The following AK9 variants were observed in gnomAD, a reference collection of about 807,000 sequenced individuals.
The protein encoded by AK9 is adenylate kinase 9, also known as adenylate kinase domain containing 1.
A neutral mutation model predicts 239.6 loss-of-function variants in AK9; 191 were observed. The ratio of observed to expected loss-of-function variants is 0.80; its 90% CI spans 0.71 to 0.90. The LOEUF is 0.90. Ranked by LOEUF, AK9 falls within the 40% of genes least tolerant of loss-of-function variation. The pLI, the probability that AK9 is intolerant of heterozygous loss-of-function variation, is 0.00. For missense variants in AK9, 1,995 were observed against 2,214.7 expected, an observed-to-expected ratio of 0.90 and a Z score of 1.99; for synonymous variants, 689 against 721.0, an observed-to-expected ratio of 0.96 and a Z score of 0.71.
intron 25 of AK9, among the ~76,000 whole-genome samples, chr6:109,547,127 C>T (rs564216789): frequency 6.6e-6 from 1 of 152,256 alleles, no homozygotes; most frequent in South Asian, 2.1e-4. Context: ...TGACCCCCAA[C>T]ACCAGTGGAT....
chr6:109,673,442 T>C (rs1771226754), intron 3 of AK9, among the ~76,000 whole-genome samples: 1 of 152,296 alleles, frequency 6.6e-6, no homozygotes, highest in South Asian at 2.1e-4. Context: ...ATATTGTTTA[T>C]TTTTATTTCT....
intron 29 of AK9, among the ~76,000 whole-genome samples, chr6:109,517,989 G>A (rs950089754): frequency 1.3e-5 from 2 of 152,034 alleles, no homozygotes; most frequent in Non-Finnish European, 1.5e-5. Context: ...GGGATGGGGG[G>A]TTACAAAGGA....
rs1176064426 is a variant in AK9 at position 109,614,195 on chromosome 6, C to T, written c.1597G>A (p.Val533Ile). Reference sequence around the variant, plus strand: ...TTCACTTTGTTACCATCTTTATCAACTTTAGCAGCTTGATCATGGAGGACA... The same window carrying T: ...TTCACTTTGTTACCATCTTTATCAATTTTAGCAGCTTGATCATGGAGGACA... ...ENVLHDQAAKVDKDDGKETGE... is the reference protein window; with the variant it reads ...ENVLHDQAAKIDKDDGKETGE... Residue 533 changes from valine to isoleucine, a missense_variant, in exon 15 of 41, where the codon GTT (valine) becomes ATT (isoleucine). Transcript: ENST00000424296. The T allele has an allele frequency of 4.5e-6, 7 of 1,550,908 alleles. No homozygotes were observed. Among genetic ancestry groups the T allele is most frequent in the Admixed American group, 2.0e-5 (1 of 50,962 alleles).
At position 109,662,608 on chromosome 6, in the gene AK9, C is replaced by A; in HGVS notation, c.387G>T (p.Gln129His). 6.3e-7 allele frequency: 1 copy of A among 1,587,356 alleles called. No individual in the cohort carries two copies. The highest frequency in any genetic ancestry group is 8.6e-7 in the Non-Finnish European group (1 of 1,166,012). Residue 129 changes from glutamine to histidine, a missense_variant, in exon 6 of 41, where the codon CAG becomes CAT. This residue lies in a region of AK9 where 252 missense variants were observed against 246.4 expected (regional missense o/e 1.02). Coordinates refer to ENST00000424296, the MANE Select transcript of AK9 (RefSeq NM_001145128.3). ...SLSQDAMTTL[Q>H]QIELIKNLNL... ...TTAAGTTTTTAATTAATTCTATTTG[C>A]TGTAAGGTAGTCATGGCATCCTGTG...
chr6:109,598,734 T>G (rs1353783538), intron 17 of AK9, among the ~76,000 whole-genome samples: 4 of 152,194 alleles, frequency 2.6e-5, no homozygotes, highest in Non-Finnish European at 4.4e-5. Context: ...CTCCAGCACC[T>G]GTTGTTTCCT....
intron 19 of AK9, among the ~76,000 whole-genome samples, 193 bp from the exon 20 acceptor site, chr6:109,579,819 A>G (rs1341994554): frequency 3.9e-5 from 6 of 152,214 alleles, no homozygotes; most frequent in Admixed American, 3.9e-4. Context: ...AAAAACTGGA[A>G]TGTTATACTT....
chr6:109,602,449 A>T (rs1792154974), intron 17 of AK9, among the ~76,000 whole-genome samples: 3 of 152,138 alleles, frequency 2.0e-5, no homozygotes, highest in African/African-American at 7.2e-5. Context: ...ATCCGCTGTT[A>T]GTCTGGTGGG....
At chr6:109,507,537 T>G (rs1190945890) in intron 33 of AK9, among the ~76,000 whole-genome samples, 2 of 151,954 alleles carry the variant, frequency 1.3e-5, no homozygotes, top group African/African-American at 4.8e-5. Flanking sequence ...TAGGTTGAGA[T>G]AATGAGATTG....
At chr6:109,633,344 A>C in intron 10 of AK9, 21 bp from the exon 11 acceptor site, 2 of 1,581,770 alleles carry the variant, frequency 1.3e-6, no homozygotes, top group Non-Finnish European at 1.7e-6. Context: ...CAAATACTAC[A>C]TTAAAAATAT....
chr6:109,659,383 A>C lies in AK9; in HGVS notation c.475T>G (p.Ser159Ala), dbSNP rs779189405. 2 of 1,611,288 alleles carry C rather than the reference A, an allele frequency of 1.2e-6. No homozygotes were observed. Among genetic ancestry groups the C allele is most frequent in the Non-Finnish European group, 1.7e-6 (2 of 1,179,314 alleles). ...GTATTATTGTGCTGTCTTTGCCCAG[A>C]AATTCTCTGGCACAAATCATAGTCA... ...CPDYDLCQRISGQRQHNNTGY... is the reference protein window; with the variant it reads ...CPDYDLCQRIAGQRQHNNTGY... Residue 159 changes from serine (S) to alanine (A), a missense_variant, in exon 7 of 41, where the codon TCT becomes GCT. Physicochemically the swap from Ser to Ala is moderately conservative, Grantham distance 99 (BLOSUM62 1). This residue lies in a region of AK9 where 252 missense variants were observed against 246.4 expected (regional missense o/e 1.02). Transcript: ENST00000424296.
At position 109,546,143 on chromosome 6, in the gene AK9, G is replaced by T; in HGVS notation, c.2965-16C>A. The stretch of plus-strand genomic sequence containing the variant: ...ATGGAGGAGCCTGTCACAGGGGGTG[G>T]GTCAGGGAGGGGTGGGATAAAGGGA... On this transcript the variant is annotated splice_polypyrimidine_tract_variant and intron_variant, in intron 25 of 40. Coordinates refer to ENST00000424296, the MANE Select transcript of AK9 (RefSeq NM_001145128.3). 2 of 1,554,876 alleles carry T rather than the reference G, an allele frequency of 1.3e-6. No individual in the cohort carries two copies. Among genetic ancestry groups the T allele is most frequent in the South Asian group, 2.4e-5 (2 of 84,126 alleles).
intron 8 of AK9, among the ~76,000 whole-genome samples, chr6:109,647,289 T>C (rs531061160): frequency 1.2e-4 from 19 of 152,200 alleles, no homozygotes; most frequent in Non-Finnish European, 1.9e-4. Context: ...AAGACACAGA[T>C]TGGCAAATTG....
At chr6:109,535,550 G>A (rs1781864667) in intron 27 of AK9, among the ~76,000 whole-genome samples, 1 of 152,162 alleles carries the variant, frequency 6.6e-6, no homozygotes, top group South Asian at 2.1e-4. Flanking sequence ...CTCCCATTCT[G>A]TAGGTTGCCT....
chr6:109,559,051 C>T (rs1785375087), intron 24 of AK9, among the ~76,000 whole-genome samples: 1 of 151,922 alleles, frequency 6.6e-6, no homozygotes, highest in Non-Finnish European at 1.5e-5. Context: ...GGGGGGTTCG[C>T]CATGTTGGCT....
At chr6:109,498,103 TCCTCTGAAA>T (rs1777255842) in intron 36 of AK9, 138 bp from the exon 37 acceptor site, 1 of 766,258 alleles carries the variant, frequency 1.3e-6, no homozygotes, top group African/African-American at 1.8e-5. Flanking sequence ...AAATAACCTC[TCCTCTGAAA>T]GGAAGTTCCT....
intron 5 of AK9, among the ~76,000 whole-genome samples, chr6:109,667,409 ATTTT>A (rs1334765450): frequency 6.6e-6 from 1 of 150,814 alleles, no homozygotes; most frequent in Non-Finnish European, 1.5e-5. Context: ...TATTTTATTT[ATTTT>A]TAATCATACT....
chr6:109,561,788 G>T (rs12216333), intron 24 of AK9, among the ~76,000 whole-genome samples: 27,786 of 152,018 alleles, frequency 0.18, 2,744 homozygotes, highest in South Asian at 0.31. Context: ...TGTACTTGGT[G>T]CTATTATAAT....
In AK9 at chr6:109,497,486, T is replaced by C. The variant is rs1169776997; in HGVS notation, c.5294A>G (p.Glu1765Gly). 1.1e-5 allele frequency: 18 copies of C among 1,600,212 alleles called. No homozygotes were observed. The highest frequency in any genetic ancestry group is 1.5e-5 in the Non-Finnish European group (17 of 1,167,756). Residue 1765 changes from glutamate (E) to glycine (G), a missense_variant, in exon 38 of 41, where the codon GAA becomes GGA. Glu to Gly is a moderately conservative substitution (Grantham distance 98). Around this residue, in one of 5 missense-constraint regions of AK9, gnomAD observed 391 missense variants for 456.0 expected, o/e 0.86. Transcript: ENST00000424296. Reference sequence around the variant, plus strand: ...TCACCTCAAAAATTTCTGGAGTTTTTCTTTGTTCTCACAAATATATATACG... The same window carrying C: ...TCACCTCAAAAATTTCTGGAGTTTTCCTTTGTTCTCACAAATATATATACG... ...HNRIYICENK[E>G]KLQKFLRSPL...
chr6:109,589,884 C>T (rs9487160), intron 17 of AK9, among the ~76,000 whole-genome samples: 88,548 of 151,998 alleles, frequency 0.58, 27,475 homozygotes, highest in East Asian at 0.84. Flanking sequence ...TTTGTGTATG[C>T]TGAACCAACC....
Sources: gnomAD v4.1 joint callset for allele counts (sites outside exome capture counted in the v4.1 genomes callset) on GRCh38, gnomAD v4.1.1 for gene constraint, gnomAD v4.1.1 regional missense constraint, MANE v1.5 for transcripts, NCBI Gene and HGNC (gene_info 2026-07-23, HGNC 2026-07-21) for gene names.